The following OGT variants were observed in gnomAD, a reference collection of about 807,000 sequenced individuals.
The protein encoded by OGT is O-linked N-acetylglucosamine (GlcNAc) transferase, also known as UDP-N-acetylglucosamine--peptide N-acetylglucosaminyltransferase 110 kDa subunit.
OGT carries 3 observed loss-of-function variants against 75.8 expected under a neutral mutation model. That is an observed-to-expected ratio of 0.04 (90% CI 0.02 to 0.10). The LOEUF (loss-of-function observed/expected upper bound fraction) is 0.10, where lower values mean the gene tolerates loss of function less well. Among genes scored for constraint, OGT ranks in the 10% least tolerant of loss-of-function variants. The pLI, the probability that OGT is intolerant of heterozygous loss-of-function variation, is 1.00. For missense variants in OGT, 260 were observed against 824.4 expected (o/e 0.32, Z 8.38); for synonymous variants, 257 against 289.7 (o/e 0.89, Z 1.15).
intron 21 of OGT, among the ~76,000 whole-genome samples, chrX:71,570,245 T>C (rs2040448472): frequency 9.3e-6 from 1 of 107,576 alleles, no homozygotes; most frequent in African/African-American, 3.4e-5. Context: ...TTCACTATGC[T>C]GGCCAGGCTG....
chrX:71,546,774 G>T, intron 4 of OGT: 1 of 754,213 alleles, frequency 1.3e-6, no homozygotes, highest in Non-Finnish European at 1.6e-6. Flanking sequence ...TTCTGATGAT[G>T]CGCTGTGACC....
At chrX:71,547,712 A>G (rs1361430828) in intron 4 of OGT, 195 bp from the exon 5 acceptor site, 22 of 1,068,210 alleles carry the variant, frequency 2.1e-5, no homozygotes, top group Admixed American at 4.1e-5. Flanking sequence ...GCGCAGGAGC[A>G]GCCAGCTGTG....
chrX:71,538,181 T>G (rs2040193234), intron 3 of OGT, 109 bp downstream of exon 3: 1 of 865,423 alleles, frequency 1.2e-6, no homozygotes, highest in Non-Finnish European at 1.6e-6. Context: ...AGTCAAAAGT[T>G]TAGAAATGCG....
chrX:71,561,723 A>G, intron 14 of OGT, 52 bp from the exon 15 acceptor site: 1 of 1,047,543 alleles, frequency 9.5e-7, no homozygotes, highest in South Asian at 2.5e-5. Context: ...ATGTCATTAA[A>G]ACTAATTGAT....
In OGT at chrX:71,567,694, T is replaced by C; in HGVS notation, c.2784T>C (p.Asn928=). ...TCTGCTTGGACACTCCACTCTGTAA[T>C]GGGCACACCACAGGGATGGATGTCC... The part of the protein sequence containing the change: ...ADVCLDTPLC[N]GHTTGMDVLW... Residue 928 remains asparagine, a synonymous_variant, in exon 20 of 22, where the codon AAT becomes AAC. Coordinates refer to ENST00000373719, the MANE Select transcript of OGT (RefSeq NM_181672.3). 8.3e-7 allele frequency: 1 copy of C among 1,209,158 alleles called. No homozygotes were observed. The highest frequency in any genetic ancestry group is 1.1e-6 in the Non-Finnish European group (1 of 893,375).
chrX:71,536,861 A>G (rs2040179212), intron 2 of OGT, among the ~76,000 whole-genome samples: 1 of 111,405 alleles, frequency 9.0e-6, no homozygotes, highest in Non-Finnish European at 1.9e-5. Context: ...GCATATTTAG[A>G]CACTTAAAGA....
chrX:71,563,241 G>A lies in OGT; in HGVS notation c.2260G>A (p.Val754Ile), dbSNP rs765531188. The A allele has an allele frequency of 8.3e-7, 1 of 1,202,907 alleles. No homozygotes were observed. Among genetic ancestry groups the A allele is most frequent in the South Asian group, 1.8e-5 (1 of 56,632 alleles). The change falls in exon 17 of 22, where the codon GTC (valine) becomes ATC (isoleucine). Residue 754 changes from valine (V) to isoleucine (I), a missense_variant. By Grantham distance (29) the Val-to-Ile change is conservative (BLOSUM62 3). This residue lies in a region of OGT where 79 missense variants were observed against 141.0 expected (regional missense o/e 0.56). Transcript: ENST00000373719. ...FLDSLPDVKIVKMKCPDGGDN... is the reference protein window; with the variant it reads ...FLDSLPDVKIIKMKCPDGGDN... ...TGATAGTCTACCAGATGTGAAAATT[G>A]TCAAGGTCAGAACCTAGTCAGTATT...
intron 3 of OGT, among the ~76,000 whole-genome samples, chrX:71,543,758 GTGTGTGTGTATATATATA>G (rs1250157397): frequency 1.6e-5 from 1 of 63,362 alleles, no homozygotes; most frequent in Admixed American, 2.1e-4. Flanking sequence ...GTGTGTGTGT[GTGTGTGTGTATATATATA>G]TATATATATA....
At chrX:71,547,569 AGTT>A (rs750470193) in intron 4 of OGT, 60 of 826,065 alleles carry the variant, frequency 7.3e-5, no homozygotes, top group Admixed American at 1.5e-4. Flanking sequence ...AAGGGCCCGT[AGTT>A]GTTTGGATAA....
Position 71,568,342 on chromosome X carries a change from C to G in OGT, c.2966+226C>G, listed in dbSNP as rs186086591. ...ATATTCAAGAAAATTAAAAAGCAAA[C>G]GAGGGGAAAAAATCTTTTGTCTCAG... is the stretch of plus-strand genomic sequence containing the variant. On this transcript the variant is annotated intron_variant, in intron 21 of 21. Transcript: ENST00000373719. Among the ~76,000 whole-genome samples the G allele has an allele frequency of 7.2e-5, 8 of 111,804 alleles. No individual in the cohort carries two copies. The East Asian group carries it at 1.9e-3, about 27-fold the overall frequency.
intron 19 of OGT, among the ~76,000 whole-genome samples, chrX:71,567,048 CAGA>C (rs760838109): frequency 4.4e-5 from 5 of 112,575 alleles, no homozygotes; most frequent in Non-Finnish European, 9.4e-5. Context: ...CAAGCTACAG[CAGA>C]AGAACTGAGC....
At chrX:71,535,357 A>G (rs2040168207) in intron 1 of OGT, among the ~76,000 whole-genome samples, 2 of 111,764 alleles carry the variant, frequency 1.8e-5, no homozygotes, top group African/African-American at 6.5e-5. Flanking sequence ...CCTTTAGTCA[A>G]TACCAGAGCT....
rs1334563874 is a variant in OGT at position 71,563,320 on chromosome X, T to C, written c.2266-9T>C. The C allele has an allele frequency of 8.3e-7, 1 of 1,205,871 alleles. No individual in the cohort carries two copies. The highest frequency in any genetic ancestry group is 1.1e-6 in the Non-Finnish European group (1 of 892,286). ...CGATCTTTTCCCTAATGATGCATTT[T>C]TTTTTCAGATGAAGTGTCCTGATGG... On this transcript the variant is annotated splice_polypyrimidine_tract_variant and intron_variant, in intron 17 of 21. Coordinates refer to ENST00000373719, the MANE Select transcript of OGT (RefSeq NM_181672.3).
intron 21 of OGT, among the ~76,000 whole-genome samples, chrX:71,571,355 A>G (rs2040457013): frequency 8.9e-6 from 1 of 111,954 alleles, no homozygotes; most frequent in Admixed American, 9.5e-5. Context: ...ACATCAGTAC[A>G]CTTCTCCTTA....
At position 71,575,274 on chromosome X, in the gene OGT, G is replaced by GTT. The variant is rs766454960; in HGVS notation, c.*1481_*1482dup. On this transcript the variant is annotated 3_prime_UTR_variant, in exon 22 of 22. Transcript: ENST00000373719. ...GCTGAGGCTGTGCACCTATTCTGTA[G>GTT]TTGCAGCTGATGCCTGAATGTATCC... 8.9e-6 allele frequency: 1 copy of GTT among 112,192 alleles called. No individual in the cohort carries two copies. Among genetic ancestry groups the GTT allele is most frequent in the African/African-American group, 3.2e-5 (1 of 30,872 alleles). 9.2% of individuals were successfully genotyped at this position (112,192 alleles called of 1,213,427 possible).
intron 5 of OGT, among the ~76,000 whole-genome samples, chrX:71,549,295 CAAAAAAA>C (rs35779562): frequency 1.4e-4 from 3 of 21,832 alleles, no homozygotes; most frequent in African/African-American, 3.4e-4. Flanking sequence ...GGCCCTGTCT[CAAAAAAA>C]AAAAAAAAAA....
In OGT at chrX:71,575,203, A is replaced by C. The variant is rs2040488028; in HGVS notation, c.*1409A>C. The C allele has an allele frequency of 2.7e-5, 3 of 112,232 alleles. No homozygotes were observed. 9.2% of individuals were successfully genotyped at this position (112,232 alleles called of 1,213,427 possible). A position where few individuals can be genotyped will look rare whatever the true frequency, so the allele number is the denominator to read the frequency against. On this transcript the variant is annotated 3_prime_UTR_variant, in exon 22 of 22. Transcript: ENST00000373719. ...GCACTTACGCTATCCAGTTGCAGGT[A>C]ATTTTTTGTCTGCTAGTAGTGTTCT...
Position 71,558,181 on chromosome X carries a change from G to A in OGT, c.1602+509G>A, listed in dbSNP as rs920136916. Among the ~76,000 whole-genome samples, 15 of 110,041 alleles carry A rather than the reference G, an allele frequency of 1.4e-4. No individual in the cohort carries two copies. The Admixed American group carries it at 1.5e-3, about 11-fold the overall frequency. On this transcript the variant is annotated intron_variant, in intron 12 of 21. Coordinates refer to ENST00000373719, the MANE Select transcript of OGT (RefSeq NM_181672.3). The stretch of plus-strand genomic sequence containing the variant: ...GCCCAAGCTGGTCTTGAACCTCTGG[G>A]CTCAAGTGATCTGCCCACCTCGCCC...
intron 14 of OGT, among the ~76,000 whole-genome samples, chrX:71,560,275 CAAAAAAAA>C (rs764918597): frequency 6.5e-5 from 3 of 45,848 alleles, no homozygotes; most frequent in African/African-American, 2.3e-4. Context: ...GACTCTGTCT[CAAAAAAAA>C]AAAAAAAAAA....
Sources: gnomAD v4.1 joint callset for allele counts (sites outside exome capture counted in the v4.1 genomes callset) on GRCh38, gnomAD v4.1.1 for gene constraint, gnomAD v4.1.1 regional missense constraint, MANE v1.5 for transcripts, NCBI Gene and HGNC (gene_info 2026-07-23, HGNC 2026-07-21) for gene names.